Variants in LINGO2 observed in about 807,000 individuals in gnomAD.
LINGO2 encodes leucine rich repeat and Ig domain containing 2, also known as leucine-rich repeat and immunoglobulin-like domain-containing nogo receptor-interacting protein 2.
A neutral mutation model predicts 30.6 loss-of-function variants in LINGO2; 14 were observed. The observed-to-expected ratio is 0.46, with a 90% CI of 0.30 to 0.72. The LOEUF (loss-of-function observed/expected upper bound fraction) is 0.72. Ranked by LOEUF, LINGO2 falls within the 30% of genes least tolerant of loss-of-function variation. The pLI is 0.07. For synonymous variants in LINGO2, 317 were observed against 288.5 expected (o/e 1.10, Z -1.00); for missense variants, 729 against 751.7 (o/e 0.97, Z 0.35).
chr9:28,549,727 T>C (rs1360570161), intron 1 of LINGO2, among the ~76,000 whole-genome samples: 1 of 151,942 alleles, frequency 6.6e-6, no homozygotes, highest in Non-Finnish European at 1.5e-5. Context: ...TTTCCTTTTA[T>C]CTATTTACCT....
intron 1 of LINGO2, among the ~76,000 whole-genome samples, chr9:28,595,173 A>C (rs1521730): frequency 2.0e-5 from 3 of 151,586 alleles, no homozygotes; most frequent in Non-Finnish European, 2.9e-5. Flanking sequence ...GTGAGAAAAA[A>C]CCCCTTTCAA....
At chr9:27,967,206 C>T (rs555245412) in intron 5 of LINGO2, among the ~76,000 whole-genome samples, 10 of 152,288 alleles carry the variant, frequency 6.6e-5, no homozygotes, top group Admixed American at 4.6e-4. Flanking sequence ...CCTTAAATCT[C>T]AGTGGCTTAA....
At chr9:29,056,237 T>G in the LINGO2 span, among the ~76,000 whole-genome samples, 1 of 152,124 alleles carries the variant, frequency 6.6e-6, no homozygotes, top group African/African-American at 2.4e-5. Flanking sequence ...AAGTGTTCCC[T>G]TTTCCCATAT....
At position 27,999,777 on chromosome 9, in the gene LINGO2, A is replaced by T. The variant is rs189250670; in HGVS notation, c.-36+12578T>A. On this transcript the variant is annotated intron_variant, in intron 5 of 5. Transcript: ENST00000379992. ...AGAGAGGTAGATGCTGACTTCTAGG[A>T]CTTGGGAACTCCTAAATATATATTA... Among the ~76,000 whole-genome samples, 22 of 152,278 alleles carry T rather than the reference A, an allele frequency of 1.4e-4. No individual in the cohort carries two copies. The South Asian group carries it at 2.9e-3, about 20-fold the overall frequency.
the LINGO2 span, among the ~76,000 whole-genome samples, chr9:28,704,287 T>C: frequency 6.6e-6 from 1 of 152,106 alleles, no homozygotes; most frequent in East Asian, 1.9e-4. Flanking sequence ...ACAAATAAGA[T>C]CTAATTCTTA....
chr9:28,767,841 T>C, the LINGO2 span, among the ~76,000 whole-genome samples: 112 of 151,256 alleles, frequency 7.4e-4, no homozygotes, highest in African/African-American at 2.5e-3. Flanking sequence ...TCAGCTATCA[T>C]TTTCTCCTCC....
intron 1 of LINGO2, among the ~76,000 whole-genome samples, chr9:28,557,860 G>A (rs903744856): frequency 6.6e-6 from 1 of 151,618 alleles, no homozygotes; most frequent in African/African-American, 2.4e-5. Flanking sequence ...CATGGATGAA[G>A]CTGGAAACCA....
chr9:28,033,161 T>G (rs1823765241), intron 4 of LINGO2, among the ~76,000 whole-genome samples: 1 of 152,230 alleles, frequency 6.6e-6, no homozygotes, highest in Admixed American at 6.5e-5. Flanking sequence ...GTGCCTTCCA[T>G]TCCCTTTGCA....
chr9:28,495,444 G>A (rs1819573989), intron 1 of LINGO2, among the ~76,000 whole-genome samples: 1 of 152,154 alleles, frequency 6.6e-6, no homozygotes. Context: ...TGGCTAGCCA[G>A]TTTCCCCAGC....
chr9:28,807,042 T>G, the LINGO2 span, among the ~76,000 whole-genome samples: 1 of 151,720 alleles, frequency 6.6e-6, no homozygotes, highest in Non-Finnish European at 1.5e-5. Flanking sequence ...ATTATTATTT[T>G]GAGACAGAGT....
At chr9:28,563,411 T>C (rs1009267961) in intron 1 of LINGO2, among the ~76,000 whole-genome samples, 1 of 152,138 alleles carries the variant, frequency 6.6e-6, no homozygotes, top group Non-Finnish European at 1.5e-5. Context: ...GCTTTCTATT[T>C]ACGTCTAAGT....
the LINGO2 span, among the ~76,000 whole-genome samples, chr9:29,154,144 T>C: frequency 6.6e-6 from 1 of 152,056 alleles, no homozygotes; most frequent in South Asian, 2.1e-4. Context: ...AAGAAACTGC[T>C]CTTAAAAATC....
chr9:28,130,677 G>T lies in LINGO2; in HGVS notation c.-86-118272C>A, dbSNP rs1318933800. ...AGTGTCATGGTATGGAAGCCAGAGG[G>T]TCAGAGAGTGACCTTAGGGCTAGGA... On this transcript the variant is annotated intron_variant, in intron 4 of 5. Coordinates refer to ENST00000379992, the Ensembl canonical transcript of LINGO2. The surrounding 1 kb of genome is among the most constrained non-coding windows in gnomAD (Gnocchi z 5.2). 6.6e-6 allele frequency among the ~76,000 whole-genome samples: 1 copy of T among 152,130 alleles called. No individual in the cohort carries two copies. Among genetic ancestry groups the T allele is most frequent in the Non-Finnish European group, 1.5e-5 (1 of 68,004 alleles).
the LINGO2 span, among the ~76,000 whole-genome samples, chr9:28,886,628 A>G: frequency 6.6e-6 from 1 of 152,064 alleles, no homozygotes; most frequent in Non-Finnish European, 1.5e-5. Context: ...TAAGTAATAT[A>G]TGTACTGCTT....
the LINGO2 span, among the ~76,000 whole-genome samples, chr9:28,884,986 TA>T: frequency 1.0e-3 from 6 of 5,800 alleles, no homozygotes; most frequent in African/African-American, 2.5e-3. Context: ...ATATAATATA[TA>T]ATAATATATT....
At chr9:28,711,787 T>C in the LINGO2 span, among the ~76,000 whole-genome samples, 1 of 152,248 alleles carries the variant, frequency 6.6e-6, no homozygotes, top group African/African-American at 2.4e-5. Flanking sequence ...GATAATTAAA[T>C]GAGCCAATTA....
At chr9:28,025,220 A>C (rs540602720) in intron 4 of LINGO2, among the ~76,000 whole-genome samples, 1 of 152,260 alleles carries the variant, frequency 6.6e-6, no homozygotes, top group African/African-American at 2.4e-5. Context: ...CCACTATTAC[A>C]TCCCAAAGTT....
intron 4 of LINGO2, among the ~76,000 whole-genome samples, chr9:28,176,524 T>C (rs1828755919): frequency 6.6e-6 from 1 of 152,168 alleles, no homozygotes; most frequent in African/African-American, 2.4e-5. Flanking sequence ...CATTACCAAG[T>C]AGATTATGCT....
chr9:28,307,558 C>T (rs139516317), intron 3 of LINGO2, among the ~76,000 whole-genome samples: 4,759 of 152,102 alleles, frequency 0.031, 142 homozygotes, highest in South Asian at 0.096. Flanking sequence ...CTATTCAACA[C>T]AGTGTTGGAA....
Sources: gnomAD v4.1 joint callset for allele counts (sites outside exome capture counted in the v4.1 genomes callset) on GRCh38, gnomAD v4.1.1 for gene constraint, Gnocchi (gnomAD v3.1) non-coding constraint, MANE v1.5 for transcripts, NCBI Gene and HGNC (gene_info 2026-07-23, HGNC 2026-07-21) for gene names.